ADAMTS9: variants seen among roughly 807,000 people sequenced by gnomAD.
ADAMTS9 encodes A disintegrin and metalloproteinase with thrombospondin motifs 9.
ADAMTS9 carries 107 observed loss-of-function variants against 257.1 expected under a neutral mutation model. The ratio of observed to expected loss-of-function variants is 0.42; its 90% CI spans 0.36 to 0.49. The LOEUF is 0.49. Ranked by LOEUF, ADAMTS9 falls within the 20% of genes least tolerant of loss-of-function variation. The probability of loss-of-function intolerance (pLI) is 0.03; values close to 1 mark genes in which losing one functional copy is unlikely to be tolerated. For missense variants in ADAMTS9, 2,353 were observed against 2,469.1 expected (o/e 0.95, Z 1.00); for synonymous variants, 982 against 880.9 (o/e 1.11, Z -2.03).
At chr3:64,648,289 C>T (rs1238137909) in intron 10 of ADAMTS9, among the ~76,000 whole-genome samples, 2 of 152,198 alleles carry the variant, frequency 1.3e-5, no homozygotes, top group African/African-American at 4.8e-5. Context: ...ACAGACACAG[C>T]TGAAGGCCCT....
At chr3:64,645,650 T>TTA (rs1700769050) in intron 11 of ADAMTS9, among the ~76,000 whole-genome samples, 1 of 152,278 alleles carries the variant, frequency 6.6e-6, no homozygotes, top group East Asian at 1.9e-4. Context: ...TTCAGGATAT[T>TTA]TATATATATC....
intron 28 of ADAMTS9, among the ~76,000 whole-genome samples, chr3:64,593,649 CGG>C (rs1559782056): frequency 6.6e-6 from 1 of 152,184 alleles, no homozygotes; most frequent in East Asian, 1.9e-4. Context: ...TGGTCCCAAA[CGG>C]GCTTCCTATC....
chr3:64,618,348 A>C (rs1023187947), intron 19 of ADAMTS9, among the ~76,000 whole-genome samples: 3 of 152,202 alleles, frequency 2.0e-5, no homozygotes, highest in African/African-American at 4.8e-5. Flanking sequence ...AGTACATATA[A>C]AAGTTAAGTG....
At chr3:64,583,918 A>C (rs969061630) in intron 28 of ADAMTS9, 1 of 152,224 alleles carries the variant, frequency 6.6e-6, no homozygotes, top group African/African-American at 2.4e-5. Flanking sequence ...TCCCATGCAC[A>C]ACAATGAAGA....
rs551827851 is a variant in ADAMTS9 at position 64,578,330 on chromosome 3, G to A, written c.4357-9795C>T. The stretch of plus-strand genomic sequence containing the variant: ...CTCAAAAGTACCACTATGAAAGGAC[G>A]GGATGAGCAGTAATAACCAGATAAA... On this transcript the variant is annotated intron_variant, in intron 28 of 39. Transcript: ENST00000498707. Among the ~76,000 whole-genome samples, 6 of 151,648 alleles carry A rather than the reference G, an allele frequency of 4.0e-5. No homozygotes were observed. In the South Asian group the frequency reaches 6.3e-4, roughly 16 times the overall value.
intron 28 of ADAMTS9, among the ~76,000 whole-genome samples, chr3:64,593,769 A>G (rs2084305456): frequency 6.6e-6 from 1 of 152,188 alleles, no homozygotes; most frequent in Non-Finnish European, 1.5e-5. Flanking sequence ...TTGTGGGCAC[A>G]GACTTTGTAA....
At chr3:64,561,397 CAAG>C (rs1223497491) in intron 30 of ADAMTS9, 178 bp downstream of exon 30, 3 of 411,900 alleles carry the variant, frequency 7.3e-6, no homozygotes, top group African/African-American at 2.2e-5. Flanking sequence ...TGCTTAAAAA[CAAG>C]AAGTTCTCCC....
rs950391558 is a variant in ADAMTS9, at chr3:64,539,384, GGAA to G, written c.5522-93_5522-91del. 81 of 1,081,196 alleles carry G rather than the reference GGAA, an allele frequency of 7.5e-5. 2 individuals carry two copies. The highest frequency in any genetic ancestry group is 5.9e-4 in the South Asian group (45 of 76,112). 67.0% of individuals were successfully genotyped at this position (1,081,196 alleles called of 1,614,324 possible). A position where few individuals can be genotyped will look rare whatever the true frequency, so the allele number is the denominator to read the frequency against. On this transcript the variant is annotated intron_variant, in intron 36 of 39. Coordinates refer to ENST00000498707, the MANE Select transcript of ADAMTS9 (RefSeq NM_182920.2). ...CAGGACATTAACAAGGAGACAGAAG[GGAA>G]GAAGAAGAATAAGAGGGAATGGGAG... is the stretch of plus-strand genomic sequence containing the variant.
chr3:64,627,272 TA>T (rs1412582067), intron 16 of ADAMTS9, among the ~76,000 whole-genome samples: 4 of 152,124 alleles, frequency 2.6e-5, no homozygotes, highest in Non-Finnish European at 4.4e-5. Flanking sequence ...GCATATTCTT[TA>T]TTCCAGTAGA....
At chr3:64,626,405 A>G (rs571308697) in intron 16 of ADAMTS9, among the ~76,000 whole-genome samples, 135 of 152,350 alleles carry the variant, frequency 8.9e-4, no homozygotes, top group African/African-American at 3.2e-3. Flanking sequence ...GTATACAAAT[A>G]GAAACTAAGT....
intron 30 of ADAMTS9, 144 bp from the exon 31 acceptor site, chr3:64,551,206 T>A: frequency 2.1e-6 from 2 of 962,154 alleles, no homozygotes; most frequent in Middle Eastern, 2.8e-4. Flanking sequence ...CGTTTTTTTG[T>A]TTTTTTGGTT....
chr3:64,621,785 T>G (rs112446613), intron 18 of ADAMTS9, among the ~76,000 whole-genome samples: 3,011 of 120,810 alleles, frequency 0.025, 85 homozygotes, highest in South Asian at 0.074. Flanking sequence ...AATAAAAAAA[T>G]AAAAAAATAA....
intron 12 of ADAMTS9, among the ~76,000 whole-genome samples, chr3:64,639,469 T>C (rs1700586526): frequency 6.6e-6 from 1 of 152,090 alleles, no homozygotes; most frequent in Non-Finnish European, 1.5e-5. Flanking sequence ...CACTGGGTGA[T>C]TTTCTTTGTC....
intron 28 of ADAMTS9, among the ~76,000 whole-genome samples, chr3:64,578,473 T>G (rs2083913288): frequency 6.6e-6 from 1 of 152,170 alleles, no homozygotes; most frequent in African/African-American, 2.4e-5. Flanking sequence ...CAGATGGAAA[T>G]CAAAAGATTG....
intron 23 of ADAMTS9, among the ~76,000 whole-genome samples, chr3:64,606,226 T>A (rs2084554223): frequency 1.3e-5 from 2 of 152,220 alleles, no homozygotes; most frequent in South Asian, 4.1e-4. Flanking sequence ...CGTTTACATT[T>A]AATCTGCATC....
At chr3:64,601,911 A>G in intron 26 of ADAMTS9, 33 bp downstream of exon 26, 1 of 1,553,986 alleles carries the variant, frequency 6.4e-7, no homozygotes, top group Non-Finnish European at 8.7e-7. Context: ...CCTCAAGTGA[A>G]AGAGAAGCAA....
chr3:64,642,638 A>T (rs1414178996), intron 11 of ADAMTS9, among the ~76,000 whole-genome samples: 6 of 152,186 alleles, frequency 3.9e-5, no homozygotes, highest in Admixed American at 3.3e-4. Context: ...AAACAAAATA[A>T]AACTCCTCAG....
At chr3:64,553,095 G>C (rs7651969) in intron 30 of ADAMTS9, among the ~76,000 whole-genome samples, 98,089 of 151,144 alleles carry the variant, frequency 0.65, 35,721 homozygotes, top group Non-Finnish European at 0.84. Context: ...CACAAGTATA[G>C]AATTCAGTGG....
chr3:64,528,520 A>G (rs2082938220), intron 38 of ADAMTS9, among the ~76,000 whole-genome samples: 1 of 152,072 alleles, frequency 6.6e-6, no homozygotes, highest in Non-Finnish European at 1.5e-5. Flanking sequence ...TTTGCCCTGA[A>G]GTCCACCCCC....
Sources: gnomAD v4.1 joint callset for allele counts (sites outside exome capture counted in the v4.1 genomes callset) on GRCh38, gnomAD v4.1.1 for gene constraint, MANE v1.5 for transcripts, NCBI Gene and HGNC (gene_info 2026-07-23, HGNC 2026-07-21) for gene names.